The following FGF20 variants were observed in gnomAD, a reference collection of about 807,000 sequenced individuals.
The protein encoded by FGF20 is fibroblast growth factor 20.
A neutral mutation model predicts 16.7 loss-of-function variants in FGF20; 8 were observed. The observed-to-expected ratio is 0.48, with a 90% CI of 0.28 to 0.87. FGF20 has a LOEUF of 0.87. Among genes scored for constraint, FGF20 ranks in the 40% least tolerant of loss-of-function variants. The probability of loss-of-function intolerance (pLI) is 0.10; values close to 1 mark genes in which losing one functional copy is unlikely to be tolerated. For synonymous variants in FGF20, 161 were observed against 118.6 expected (o/e 1.36, Z -2.32); for missense variants, 397 against 281.4 (o/e 1.41, Z -2.94).
In FGF20 at chr8:16,993,244, A is replaced by G; in HGVS notation, c.464T>C (p.Ile155Thr). 6 of 1,614,132 alleles carry G rather than the reference A, an allele frequency of 3.7e-6. No homozygotes were observed. Among genetic ancestry groups the G allele is most frequent in the Non-Finnish European group, 5.1e-6 (6 of 1,180,000 alleles). Residue 155 changes from isoleucine (I) to threonine (T), a missense_variant, in exon 3 of 3, where the codon ATA (isoleucine) becomes ACA (threonine). Coordinates refer to ENST00000180166, the MANE Select transcript of FGF20 (RefSeq NM_019851.3). ...GCGGCCAGTGTCTCCATGTTTATAT[A>G]TGTTAGATGAATAGGTGTTATACCA... is the stretch of plus-strand genomic sequence containing the variant. ...ENWYNTYSSN[I>T]YKHGDTGRRY...
chr8:16,998,809 C>A (rs1810117151), intron 1 of FGF20, among the ~76,000 whole-genome samples: 1 of 151,026 alleles, frequency 6.6e-6, no homozygotes. Flanking sequence ...GTAAGCTGTT[C>A]CTGCTGTGTA....
In FGF20 at chr8:16,998,537, G is replaced by A. The variant is rs78503491; in HGVS notation, c.287-2779C>T. Among the ~76,000 whole-genome samples, 45 of 152,278 alleles carry A rather than the reference G, an allele frequency of 3.0e-4. No individual in the cohort carries two copies. The East Asian group carries it at 6.8e-3, about 23-fold the overall frequency. On this transcript the variant is annotated intron_variant, in intron 1 of 2. Coordinates refer to ENST00000180166, the MANE Select transcript of FGF20 (RefSeq NM_019851.3). ...AGTAGACATGAAAAACTTTCCTTAAGAGGTAATCACAGATTTTAGATAGAT... is the reference window on the plus strand; with the variant it reads ...AGTAGACATGAAAAACTTTCCTTAAAAGGTAATCACAGATTTTAGATAGAT...
rs1810062215 is a variant in FGF20, at chr8:16,996,843, T to A, written c.287-1085A>T. 3.9e-5 allele frequency among the ~76,000 whole-genome samples: 6 copies of A among 152,246 alleles called. No individual in the cohort carries two copies. In the South Asian group the frequency reaches 1.2e-3, roughly 31 times the overall value. ...ACATGATATTTATAAATGGTAGAACTGACATTTAAACTTACATTCTTAGCC... is the reference window on the plus strand; with the variant it reads ...ACATGATATTTATAAATGGTAGAACAGACATTTAAACTTACATTCTTAGCC... On this transcript the variant is annotated intron_variant, in intron 1 of 2. Coordinates refer to ENST00000180166, the MANE Select transcript of FGF20 (RefSeq NM_019851.3).
chr8:16,995,671 C>A lies in FGF20; in HGVS notation c.374G>T (p.Gly125Val), dbSNP rs1040608226. The A allele has an allele frequency of 1.0e-5, 16 of 1,568,460 alleles. No homozygotes were observed. The highest frequency in any genetic ancestry group is 1.4e-5 in the African/African-American group (1 of 73,864). The part of the protein sequence containing the change: ...SGLYLGMNDK[G>V]ELYGSEKLTS... Reference sequence around the variant, plus strand: ...AATACGTACTGATCCATAGAGTTCTCCTTTGTCATTCATTCCAAGATAGAG... The same window carrying A: ...AATACGTACTGATCCATAGAGTTCTACTTTGTCATTCATTCCAAGATAGAG... Residue 125 changes from glycine (G) to valine (V), a missense_variant, in exon 2 of 3, where the codon GGA becomes GTA. By Grantham distance (109) the Gly-to-Val change is moderately radical. Transcript: ENST00000180166.
intron 1 of FGF20, among the ~76,000 whole-genome samples, chr8:16,996,758 A>T (rs960309196): frequency 6.6e-5 from 10 of 152,198 alleles, no homozygotes; most frequent in Non-Finnish European, 1.0e-4. Flanking sequence ...AGATATTATT[A>T]TCCCCATTTT....
At chr8:17,000,478 G>A (rs1563234613) in intron 1 of FGF20, among the ~76,000 whole-genome samples, 1 of 49,680 alleles carries the variant, frequency 2.0e-5, no homozygotes, top group Non-Finnish European at 6.2e-5. Context: ...GATAAGAGAG[G>A]GCCATTCAGA....
At chr8:16,994,884 TAAC>T (rs905301088) in intron 2 of FGF20, among the ~76,000 whole-genome samples, 2 of 152,186 alleles carry the variant, frequency 1.3e-5, no homozygotes, top group African/African-American at 4.8e-5. Flanking sequence ...GAAAAAATGT[TAAC>T]AATGAAAGAG....
chr8:17,001,367 T>G (rs17514922), intron 1 of FGF20, among the ~76,000 whole-genome samples: 2,384 of 152,072 alleles, frequency 0.016, 53 homozygotes, highest in African/African-American at 0.055. Context: ...GGATTTTTTT[T>G]AAAACTGACT....
At chr8:17,000,402 C>G (rs1472131487) in intron 1 of FGF20, among the ~76,000 whole-genome samples, 1 of 151,972 alleles carries the variant, frequency 6.6e-6, no homozygotes, top group East Asian at 1.9e-4. Flanking sequence ...TTACACTTCT[C>G]CAAAGTTTTA....
rs1014889171 is a variant in FGF20 at position 17,001,888 on chromosome 8, G to A, written c.145C>T (p.Arg49Cys). 7.0e-7 allele frequency: 1 copy of A among 1,437,194 alleles called. No homozygotes were observed. Among genetic ancestry groups the A allele is most frequent in the Non-Finnish European group, 9.1e-7 (1 of 1,100,376 alleles). 89.0% of individuals were successfully genotyped at this position (1,437,194 alleles called of 1,614,324 possible). The change falls in exon 1 of 3, where the codon CGC becomes TGC. Residue 49 changes from arginine to cysteine, a missense_variant. Physicochemically the swap from Arg to Cys is radical, Grantham distance 180. Transcript: ENST00000180166. Reference sequence around the variant, plus strand: ...AGCTGCGCAGCCCCCGGCCCGCCGCGCGCGCTCCGCTCCGCCGCGCTCCTG... The same window carrying A: ...AGCTGCGCAGCCCCCGGCCCGCCGCACGCGCTCCGCTCCGCCGCGCTCCTG... ...ERRSAAERSA[R>C]GGPGAAQLAH...
At chr8:16,993,552 G>C (rs567600416) in intron 2 of FGF20, among the ~76,000 whole-genome samples, 3 of 68,934 alleles carry the variant, frequency 4.4e-5, no homozygotes, top group African/African-American at 1.4e-4. Flanking sequence ...CCACTGACCA[G>C]TTTCATGGAA....
At chr8:16,993,411 T>G in intron 2 of FGF20, 94 bp from the exon 3 acceptor site, 1 of 1,270,742 alleles carries the variant, frequency 7.9e-7, no homozygotes, top group South Asian at 1.5e-5. Flanking sequence ...TTCTTTGCCT[T>G]GTCAAAGAAA....
intron 1 of FGF20, among the ~76,000 whole-genome samples, chr8:16,999,828 T>A (rs1467691361): frequency 6.6e-6 from 1 of 150,750 alleles, no homozygotes; most frequent in Non-Finnish European, 1.5e-5. Flanking sequence ...CGTGAGCCAC[T>A]GCGCCCAGCC....
intron 1 of FGF20, among the ~76,000 whole-genome samples, chr8:17,000,926 T>C (rs1352143538): frequency 6.6e-6 from 1 of 152,112 alleles, no homozygotes; most frequent in South Asian, 2.1e-4. Context: ...GCTTTCCCAT[T>C]TCCTCTTTCC....
rs200152641 is a variant in FGF20, at chr8:16,993,304, G to C, written c.404C>G (p.Ser135Cys). Reference sequence around the variant, plus strand: ...AAACTGCTCCCTAAAGATGCATTCGGAAGTAAGTTTCTCCTGAAAGAGAGA... The same window carrying C: ...AAACTGCTCCCTAAAGATGCATTCGCAAGTAAGTTTCTCCTGAAAGAGAGA... ...GELYGSEKLT[S>C]ECIFREQFEE... The change falls in exon 3 of 3, where the codon TCC becomes TGC. Residue 135 changes from serine to cysteine, a missense_variant. Physicochemically the swap from Ser to Cys is moderately radical, Grantham distance 112. Transcript: ENST00000180166. 48 of 1,604,726 alleles carry C rather than the reference G, an allele frequency of 3.0e-5. No individual in the cohort carries two copies. In the East Asian group the frequency reaches 3.4e-4, roughly 11 times the overall value.
intron 1 of FGF20, among the ~76,000 whole-genome samples, chr8:17,000,114 T>G (rs1271210899): frequency 1.3e-5 from 2 of 151,990 alleles, no homozygotes; most frequent in Non-Finnish European, 1.5e-5. Context: ...GTAATCCCAG[T>G]ACTTTGGGAG....
chr8:16,993,887 C>G (rs1689901), intron 2 of FGF20, among the ~76,000 whole-genome samples: 145,846 of 152,188 alleles, frequency 0.96, 70,190 homozygotes, highest in East Asian at 1. Flanking sequence ...CCGCTGATCT[C>G]ACAGGAGGCG....
chr8:16,993,069 AC>A lies in FGF20; in HGVS notation c.*2del. The A allele has an allele frequency of 6.2e-7, 1 of 1,613,430 alleles. No homozygotes were observed. Among genetic ancestry groups the A allele is most frequent in the Non-Finnish European group, 8.5e-7 (1 of 1,179,852 alleles). On this transcript the variant is annotated 3_prime_UTR_variant, in exon 3 of 3. Transcript: ENST00000180166. ...GACTCTTCCATAATGTCACTATCGCACTTCAAGTGTACATCAGTAGGTCCTT... is the reference window on the plus strand; with the variant it reads ...GACTCTTCCATAATGTCACTATCGCATTCAAGTGTACATCAGTAGGTCCTT...
Position 16,995,835 on chromosome 8 carries a change from A to G in FGF20, c.287-77T>C, listed in dbSNP as rs567701193. 2.4e-5 allele frequency: 19 copies of G among 800,150 alleles called. No individual in the cohort carries two copies. The East Asian group carries it at 4.3e-4, about 18-fold the overall frequency. The allele number at this position is 800,150 out of a possible 1,614,324, so 49.6% of individuals were successfully genotyped here. A position where few individuals can be genotyped will look rare whatever the true frequency, so the allele number is the denominator to read the frequency against. On this transcript the variant is annotated intron_variant, in intron 1 of 2. Coordinates refer to ENST00000180166, the MANE Select transcript of FGF20 (RefSeq NM_019851.3). Reference sequence around the variant, plus strand: ...GCATATGACTAACAAAAATCTTCCAAATAGTAGCGGTAGTCGGCCATTATT... The same window carrying G: ...GCATATGACTAACAAAAATCTTCCAGATAGTAGCGGTAGTCGGCCATTATT...
Sources: allele counts gnomAD v4.1 joint callset (sites outside exome capture counted in the v4.1 genomes callset), GRCh38; gene constraint gnomAD v4.1.1; transcripts MANE v1.5; gene names NCBI Gene and HGNC (gene_info 2026-07-23, HGNC 2026-07-21).